The following EYA2 variants were observed in gnomAD, a reference collection of about 807,000 sequenced individuals.
EYA2 encodes the protein EYA transcriptional coactivator and phosphatase 2.
EYA2 carries 31 observed loss-of-function variants against 69.2 expected under a neutral mutation model. The ratio of observed to expected loss-of-function variants is 0.45; its 90% CI spans 0.34 to 0.60. EYA2 has a LOEUF of 0.60. Among genes scored for constraint, EYA2 ranks in the 20% least tolerant of loss-of-function variants. The pLI, the probability that EYA2 is intolerant of heterozygous loss-of-function variation, is 0.02. For missense variants in EYA2, 622 were observed against 701.2 expected, an observed-to-expected ratio of 0.89 and a Z score of 1.28; for synonymous variants, 257 against 279.4, an observed-to-expected ratio of 0.92 and a Z score of 0.80.
At chr20:47,114,657 AC>A (rs2032843137) in intron 9 of EYA2, among the ~76,000 whole-genome samples, 1 of 152,312 alleles carries the variant, frequency 6.6e-6, no homozygotes, top group Admixed American at 6.5e-5. Flanking sequence ...TATCAAAGAC[AC>A]TGAGAGAGTT....
At chr20:47,142,544 C>T (rs924260894) in intron 9 of EYA2, among the ~76,000 whole-genome samples, 8 of 152,280 alleles carry the variant, frequency 5.3e-5, no homozygotes, top group African/African-American at 1.9e-4. Context: ...TATCATTAAC[C>T]CTCTATTGTT....
intron 10 of EYA2, among the ~76,000 whole-genome samples, chr20:47,163,552 G>A (rs956299832): frequency 1.3e-5 from 2 of 151,914 alleles, no homozygotes; most frequent in African/African-American, 4.8e-5. Context: ...TACAAAATTA[G>A]CTGGGCGTGG....
chr20:47,010,528 C>G (rs1037944128), intron 4 of EYA2, among the ~76,000 whole-genome samples: 29 of 152,080 alleles, frequency 1.9e-4, no homozygotes, highest in Admixed American at 1.9e-3. Flanking sequence ...ACTAGAGAGG[C>G]TGAGGTGGGA....
chr20:46,941,648 A>T (rs1325495068), intron 1 of EYA2, among the ~76,000 whole-genome samples: 1 of 152,206 alleles, frequency 6.6e-6, no homozygotes, highest in Non-Finnish European at 1.5e-5. Flanking sequence ...CACATGTATC[A>T]TGGAGATACT....
chr20:46,911,946 A>G (rs765061067), intron 1 of EYA2, among the ~76,000 whole-genome samples: 3 of 152,220 alleles, frequency 2.0e-5, no homozygotes, highest in African/African-American at 4.8e-5. Context: ...AATGTTCCCA[A>G]CACAAAGCAA....
chr20:47,125,041 G>T (rs113906632), intron 9 of EYA2, among the ~76,000 whole-genome samples: 4,864 of 140,558 alleles, frequency 0.035, 126 homozygotes, highest in Middle Eastern at 0.12. Context: ...ACAGTCTTTT[G>T]GTTAAGTTTT....
chr20:47,135,126 CAAAAAAA>C (rs11484435), intron 9 of EYA2, among the ~76,000 whole-genome samples: 1 of 58,498 alleles, frequency 1.7e-5, no homozygotes, highest in Non-Finnish European at 3.1e-5. Context: ...GACTCCATAT[CAAAAAAA>C]AAAAAAAAAA....
intron 5 of EYA2, among the ~76,000 whole-genome samples, chr20:47,058,469 A>G (rs2030740089): frequency 6.6e-6 from 1 of 152,232 alleles, no homozygotes; most frequent in African/African-American, 2.4e-5. Context: ...GAGGGCGTTT[A>G]TGGCAGCCTT....
intron 1 of EYA2, among the ~76,000 whole-genome samples, chr20:46,896,445 G>T (rs1983818047): frequency 6.6e-6 from 1 of 151,430 alleles, no homozygotes; most frequent in Non-Finnish European, 1.5e-5. Flanking sequence ...TGGGAGGAGA[G>T]AACCTCTTTT....
intron 1 of EYA2, among the ~76,000 whole-genome samples, chr20:46,900,065 C>T (rs1368677203): frequency 1.3e-5 from 2 of 152,084 alleles, no homozygotes; most frequent in African/African-American, 4.8e-5. Context: ...TGTGTAATTT[C>T]AATGGCATTG....
At chr20:46,930,694 A>T (rs930525580) in intron 1 of EYA2, among the ~76,000 whole-genome samples, 1 of 152,220 alleles carries the variant, frequency 6.6e-6, no homozygotes, top group East Asian at 1.9e-4. Flanking sequence ...TTGCACATTA[A>T]AAGAGAAATA....
chr20:47,042,439 G>T (rs1020389963), intron 5 of EYA2, among the ~76,000 whole-genome samples: 6 of 152,156 alleles, frequency 3.9e-5, no homozygotes, highest in Non-Finnish European at 8.8e-5. Context: ...GCCCTAGATT[G>T]GTAGAAAGAG....
At chr20:46,988,873 T>G (rs887340710) in intron 1 of EYA2, among the ~76,000 whole-genome samples, 12 of 151,908 alleles carry the variant, frequency 7.9e-5, no homozygotes, top group Admixed American at 6.6e-4. Context: ...CAGCTAACTT[T>G]GTTGTATTTT....
chr20:47,127,321 T>C (rs1358831482), intron 9 of EYA2, among the ~76,000 whole-genome samples: 1 of 152,182 alleles, frequency 6.6e-6, no homozygotes, highest in Non-Finnish European at 1.5e-5. Flanking sequence ...AATGCTTATG[T>C]GGCCAAGCTC....
intron 5 of EYA2, among the ~76,000 whole-genome samples, chr20:47,022,217 T>C (rs1983797517): frequency 6.6e-6 from 1 of 152,218 alleles, no homozygotes; most frequent in African/African-American, 2.4e-5. Flanking sequence ...AAGCCCTGGA[T>C]GTCATGATCT....
At chr20:47,093,590 C>A (rs192792140) in intron 8 of EYA2, among the ~76,000 whole-genome samples, 87 of 152,118 alleles carry the variant, frequency 5.7e-4, no homozygotes, top group African/African-American at 2.0e-3. Flanking sequence ...GCAAGCTGTG[C>A]TGTGGCTCCC....
At chr20:47,003,113 T>A (rs1001202870) in intron 3 of EYA2, among the ~76,000 whole-genome samples, 1 of 152,104 alleles carries the variant, frequency 6.6e-6, no homozygotes, top group East Asian at 1.9e-4. Flanking sequence ...GTTAGAAACA[T>A]GATAGTTGTG....
At chr20:47,179,968 T>G in intron 13 of EYA2, 56 bp downstream of exon 13, 1 of 1,223,464 alleles carries the variant, frequency 8.2e-7, no homozygotes, top group Non-Finnish European at 1.2e-6. Context: ...CAGTAGACAG[T>G]GGTGGCTCCT....
intron 5 of EYA2, among the ~76,000 whole-genome samples, chr20:47,045,558 C>T (rs1335882464): frequency 6.6e-6 from 1 of 152,208 alleles, no homozygotes. Flanking sequence ...TAAAATGTCT[C>T]ACAAGTTTCT....
Sources: gnomAD v4.1 joint callset for allele counts (sites outside exome capture counted in the v4.1 genomes callset) on GRCh38, gnomAD v4.1.1 for gene constraint, MANE v1.5 for transcripts, NCBI Gene and HGNC (gene_info 2026-07-23, HGNC 2026-07-21) for gene names.